ERICH1: variants seen among roughly 807,000 people sequenced by gnomAD.
ERICH1 encodes the protein glutamate rich 1.
In ERICH1, 56 loss-of-function variants were observed where a neutral mutation model predicts 39.6. The ratio of observed to expected loss-of-function variants is 1.41; its 90% CI spans 1.14 to 1.77. The LOEUF is 1.77. Ranked by LOEUF, ERICH1 falls within the 40% of genes most tolerant of loss-of-function variation. The pLI is 0.00. For missense variants in ERICH1, 826 were observed against 575.4 expected (o/e 1.44, Z -4.45); for synonymous variants, 313 against 223.6 (o/e 1.40, Z -3.57).
chr8:676,790 C>A (rs941395312), intron 3 of ERICH1, among the ~76,000 whole-genome samples: 1 of 152,254 alleles, frequency 6.6e-6, no homozygotes, highest in South Asian at 2.1e-4. Context: ...GCCGCTGCAC[C>A]ACGCCAAGGG....
chr8:638,827 G>A (rs1356495134), intron 3 of ERICH1, among the ~76,000 whole-genome samples: 1 of 152,106 alleles, frequency 6.6e-6, no homozygotes, highest in African/African-American at 2.4e-5. Context: ...TCGTCATCGA[G>A]AGCAAGGCCA....
chr8:697,364 C>T (rs568332608), intron 2 of ERICH1, among the ~76,000 whole-genome samples: 70 of 152,298 alleles, frequency 4.6e-4, no homozygotes, highest in African/African-American at 1.6e-3. Context: ...GCCGACCCCA[C>T]GAGCAACTGA....
intron 1 of ERICH1, among the ~76,000 whole-genome samples, chr8:728,629 G>T (rs555030282): frequency 6.6e-6 from 1 of 152,304 alleles, no homozygotes; most frequent in South Asian, 2.1e-4. Flanking sequence ...TGGGTAGAAT[G>T]GAGGCCATAG....
intron 1 of ERICH1, among the ~76,000 whole-genome samples, chr8:718,309 G>C (rs1050407214): frequency 7.9e-5 from 12 of 152,090 alleles, no homozygotes; most frequent in Non-Finnish European, 1.8e-4. Flanking sequence ...CCCAGGTCAC[G>C]GTCTTTCAAG....
chr8:686,467 A>C (rs1327272941), intron 3 of ERICH1, among the ~76,000 whole-genome samples: 1 of 151,642 alleles, frequency 6.6e-6, no homozygotes, highest in South Asian at 2.1e-4. Flanking sequence ...AAAAAAAAAC[A>C]AAAACAAAAA....
At chr8:668,908 T>G in intron 4 of ERICH1, 116 bp from the exon 5 acceptor site, 1 of 901,964 alleles carries the variant, frequency 1.1e-6, no homozygotes, top group Non-Finnish European at 1.6e-6. Flanking sequence ...CAGAATGACA[T>G]ATCTGGGAGA....
intron 3 of ERICH1, chr8:640,897 G>T (rs1180822259): frequency 6.6e-6 from 1 of 152,194 alleles, no homozygotes; most frequent in East Asian, 1.9e-4. Flanking sequence ...TCTCAACTTT[G>T]TTTCAATTAA....
At chr8:634,179 A>AAAAAACAAAAAAAAAC (rs1554481852) in intron 3 of ERICH1, among the ~76,000 whole-genome samples, 74 of 43,588 alleles carry the variant, frequency 1.7e-3, no homozygotes, top group Admixed American at 7.3e-3. Context: ...AAAAAAAAAA[A>AAAAAACAAAAAAAAAC]AAAAAAACAA....
chr8:652,377 A>C (rs1482623521), intron 3 of ERICH1, among the ~76,000 whole-genome samples: 1 of 152,190 alleles, frequency 6.6e-6, no homozygotes, highest in African/African-American at 2.4e-5. Context: ...CTCGCAACCA[A>C]ATGCAGAGCC....
At chr8:674,847 T>A (rs1804304297) in intron 3 of ERICH1, among the ~76,000 whole-genome samples, 1 of 152,202 alleles carries the variant, frequency 6.6e-6, no homozygotes, top group Non-Finnish European at 1.5e-5. Flanking sequence ...ATAAATAGCA[T>A]AGGTTGGTGA....
At chr8:649,753 G>A (rs907381297) in intron 3 of ERICH1, among the ~76,000 whole-genome samples, 1 of 152,176 alleles carries the variant, frequency 6.6e-6, no homozygotes, top group Admixed American at 6.5e-5. Flanking sequence ...GTGACCATGA[G>A]CGCAGGCACC....
chr8:704,407 C>CT (rs1352896062), intron 2 of ERICH1, among the ~76,000 whole-genome samples: 15 of 152,222 alleles, frequency 9.9e-5, no homozygotes, highest in African/African-American at 3.6e-4. Context: ...CTGAATGTGT[C>CT]TGACCATAGA....
rs772162217 is a variant in ERICH1 at position 673,603 on chromosome 8, C to A, written c.749G>T (p.Gly250Val). 1 of 1,550,678 alleles carries A rather than the reference C, an allele frequency of 6.4e-7. No homozygotes were observed. The highest frequency in any genetic ancestry group is 8.9e-7 in the Non-Finnish European group (1 of 1,128,580). The stretch of plus-strand genomic sequence containing the variant: ...CGGATCTTCCTCACTGGCGTCCGCA[C>A]CCTCTTCCTGCCTGGCCCGTGTCAG... The part of the protein sequence containing the change: ...EDLTRARQEE[G>V]ADASEEDPTP... Residue 250 changes from glycine to valine, a missense_variant, in exon 4 of 6, where the codon GGT becomes GTT. Transcript: ENST00000262109.
chr8:703,869 C>T lies in ERICH1; in HGVS notation c.170-11257G>A, dbSNP rs147667748. On this transcript the variant is annotated intron_variant, in intron 2 of 5. Coordinates refer to ENST00000262109, the MANE Select transcript of ERICH1 (RefSeq NM_207332.3). ...AAGATTGAAAGCAAAGAGGAGGAAA[C>T]GATCAAGGAAACAAGAGAGTGGCAC... Among the ~76,000 whole-genome samples the T allele has an allele frequency of 9.9e-3, 1,513 of 152,238 alleles. 11 individuals are homozygous for T. Among genetic ancestry groups the T allele is most frequent in the Non-Finnish European group, 0.017 (1,135 of 68,008 alleles).
chr8:632,336 AT>A lies in ERICH1; in HGVS notation c.977-17053del, dbSNP rs553085762. Among the ~76,000 whole-genome samples, 276 of 152,024 alleles carry A rather than the reference AT, an allele frequency of 1.8e-3. 7 individuals carry two copies. In the South Asian group the frequency reaches 0.026, roughly 14 times the overall value. On this transcript the variant is annotated intron_variant, in intron 3 of 3. Transcript: ENST00000522706. ...ATTTCTAATTAGCAGTAAAAAAAAA[AT>A]AATAATGAATGCCAAGGCTGCAAGA...
chr8:640,445 C>T (rs528064189), intron 3 of ERICH1: 3 of 152,318 alleles, frequency 2.0e-5, no homozygotes, highest in East Asian at 1.9e-4. Context: ...GAGATTTACT[C>T]CCATGAGTCT....
intron 2 of ERICH1, among the ~76,000 whole-genome samples, chr8:702,842 GATGCCCC>G (rs1227192099): frequency 6.6e-6 from 1 of 152,234 alleles, no homozygotes; most frequent in Non-Finnish European, 1.5e-5. Flanking sequence ...GCGAGAGCTG[GATGCCCC>G]GGGAACCAGA....
chr8:629,859 CACAG>C (rs1205612518), intron 3 of ERICH1, among the ~76,000 whole-genome samples: 15 of 135,008 alleles, frequency 1.1e-4, no homozygotes, highest in Non-Finnish European at 1.7e-4. Context: ...TGACCACCCA[CACAG>C]ACAGAGCTGA....
chr8:703,343 GA>G (rs11322599), intron 2 of ERICH1, among the ~76,000 whole-genome samples: 107,304 of 151,876 alleles, frequency 0.71, 39,217 homozygotes, highest in Non-Finnish European at 0.8. Context: ...AAGGACAGAT[GA>G]AAAAAATACA....
Sources: allele counts gnomAD v4.1 joint callset (sites outside exome capture counted in the v4.1 genomes callset), GRCh38; gene constraint gnomAD v4.1.1; transcripts MANE v1.5; gene names NCBI Gene and HGNC (gene_info 2026-07-23, HGNC 2026-07-21).